MAP3K5: variants seen among roughly 807,000 people sequenced by gnomAD.
MAP3K5 encodes mitogen-activated protein kinase kinase kinase 5, also known as ASK-1.
In MAP3K5, 56 loss-of-function variants were observed where a neutral mutation model predicts 158.7. The observed-to-expected ratio is 0.35, with a 90% CI of 0.28 to 0.44. The LOEUF (loss-of-function observed/expected upper bound fraction) is 0.44. Ranked by LOEUF, MAP3K5 falls within the 20% of genes least tolerant of loss-of-function variation. The probability of loss-of-function intolerance (pLI) is 1.00; values close to 1 mark genes in which losing one functional copy is unlikely to be tolerated. For missense variants in MAP3K5, 1,294 were observed against 1,674.8 expected (o/e 0.77, Z 3.97); for synonymous variants, 579 against 601.7 (o/e 0.96, Z 0.55).
intron 1 of MAP3K5, among the ~76,000 whole-genome samples, chr6:136,730,319 G>A (rs1782165435): frequency 6.6e-6 from 1 of 150,840 alleles, no homozygotes; most frequent in South Asian, 2.1e-4. Flanking sequence ...TTTTTTGATA[G>A]GAGCTTGAGT....
intron 1 of MAP3K5, among the ~76,000 whole-genome samples, chr6:136,728,407 G>GATA (rs1463909008): frequency 2.0e-5 from 3 of 152,278 alleles, no homozygotes; most frequent in African/African-American, 7.2e-5. Flanking sequence ...TTGGCAAGTA[G>GATA]ATAACATCGG....
intron 10 of MAP3K5, among the ~76,000 whole-genome samples, chr6:136,653,802 G>T (rs951104879): frequency 1.3e-5 from 2 of 152,130 alleles, no homozygotes; most frequent in Non-Finnish European, 2.9e-5. Context: ...TTGGTAGACT[G>T]GCATTTTCTA....
chr6:136,603,512 AG>A (rs918347792), intron 19 of MAP3K5, among the ~76,000 whole-genome samples: 6 of 152,092 alleles, frequency 3.9e-5, no homozygotes, highest in Admixed American at 3.3e-4. Context: ...TTTATAGATG[AG>A]GAAACTGAGG....
At chr6:136,758,566 G>C (rs1045799384) in intron 1 of MAP3K5, among the ~76,000 whole-genome samples, 1 of 152,220 alleles carries the variant, frequency 6.6e-6, no homozygotes, top group Non-Finnish European at 1.5e-5. Flanking sequence ...CATTTTTGCA[G>C]TGTGGGCAGT....
At chr6:136,760,951 A>G (rs2114967029) in intron 1 of MAP3K5, among the ~76,000 whole-genome samples, 1 of 152,330 alleles carries the variant, frequency 6.6e-6, no homozygotes, top group African/African-American at 2.4e-5. Flanking sequence ...CCTGGGTGAC[A>G]GAGCAAGACT....
At chr6:136,580,443 T>G (rs1028276642) in intron 24 of MAP3K5, 37 bp from the exon 25 acceptor site, 2 of 1,281,178 alleles carry the variant, frequency 1.6e-6, no homozygotes, top group Admixed American at 3.4e-5. Context: ...CTTTAATTTT[T>G]AATTGCAAAT....
chr6:136,611,580 T>G (rs1417652047), intron 17 of MAP3K5, among the ~76,000 whole-genome samples, 193 bp from the exon 18 acceptor site: 1 of 152,250 alleles, frequency 6.6e-6, no homozygotes, highest in African/African-American at 2.4e-5. Context: ...TATTATCAGT[T>G]TGAAACCAAC....
At chr6:136,713,868 G>T (rs1180158465) in intron 2 of MAP3K5, among the ~76,000 whole-genome samples, 1 of 152,048 alleles carries the variant, frequency 6.6e-6, no homozygotes, top group African/African-American at 2.4e-5. Flanking sequence ...AAAGGGGTAG[G>T]GCCAATGTTT....
intron 14 of MAP3K5, among the ~76,000 whole-genome samples, chr6:136,629,487 C>G (rs1206265443): frequency 6.6e-6 from 1 of 152,102 alleles, no homozygotes; most frequent in Admixed American, 6.5e-5. Context: ...AGGAGTCACG[C>G]TCTGTCGCCC....
At chr6:136,645,945 T>C (rs746577058) in intron 11 of MAP3K5, among the ~76,000 whole-genome samples, 30 of 152,236 alleles carry the variant, frequency 2.0e-4, no homozygotes, top group Non-Finnish European at 2.9e-4. Context: ...ATTTTTAGTT[T>C]AACATAAGAC....
At chr6:136,723,506 ATTATT>A (rs890419239) in intron 1 of MAP3K5, among the ~76,000 whole-genome samples, 1 of 152,138 alleles carries the variant, frequency 6.6e-6, no homozygotes, top group Non-Finnish European at 1.5e-5. Flanking sequence ...GGGATTATGA[ATTATT>A]TTATTTTTCT....
chr6:136,584,758 A>G (rs1775040984), intron 23 of MAP3K5, among the ~76,000 whole-genome samples: 1 of 152,192 alleles, frequency 6.6e-6, no homozygotes, highest in African/African-American at 2.4e-5. Context: ...ACCAAGCCAG[A>G]GAAAAGATGT....
intron 11 of MAP3K5, among the ~76,000 whole-genome samples, chr6:136,650,438 G>A (rs901833062): frequency 6.6e-6 from 1 of 152,198 alleles, no homozygotes; most frequent in Admixed American, 6.5e-5. Context: ...TGCTATGAGC[G>A]GAAGTGAGAC....
intron 1 of MAP3K5, among the ~76,000 whole-genome samples, chr6:136,732,617 G>C (rs1211786715): frequency 6.6e-6 from 1 of 152,220 alleles, no homozygotes; most frequent in African/African-American, 2.4e-5. Flanking sequence ...ACACGCCTGA[G>C]TGACATCACT....
At chr6:136,647,544 A>C (rs1778321452) in intron 11 of MAP3K5, among the ~76,000 whole-genome samples, 1 of 152,008 alleles carries the variant, frequency 6.6e-6, no homozygotes, top group Admixed American at 6.6e-5. Flanking sequence ...CTACCGACAC[A>C]TGTTTAAAAT....
intron 14 of MAP3K5, 85 bp downstream of exon 14, chr6:136,637,240 T>A: frequency 7.7e-7 from 1 of 1,296,396 alleles, no homozygotes; most frequent in Non-Finnish European, 1.1e-6. Context: ...CTACCCCTCA[T>A]ACACCCTGCC....
At chr6:136,628,480 T>C (rs1176668745) in intron 14 of MAP3K5, among the ~76,000 whole-genome samples, 1 of 152,000 alleles carries the variant, frequency 6.6e-6, no homozygotes, top group Non-Finnish European at 1.5e-5. Flanking sequence ...TGGGCTCAAG[T>C]GATCCTCCCA....
intron 28 of MAP3K5, among the ~76,000 whole-genome samples, chr6:136,561,046 C>T (rs1034671611): frequency 1.3e-5 from 2 of 151,700 alleles, no homozygotes; most frequent in African/African-American, 4.9e-5. Flanking sequence ...TTAGTCCTGT[C>T]TTTATTTTTT....
intron 1 of MAP3K5, among the ~76,000 whole-genome samples, chr6:136,729,297 G>A (rs1257273631): frequency 6.6e-6 from 1 of 152,178 alleles, no homozygotes; most frequent in Non-Finnish European, 1.5e-5. Context: ...TCCAGTGTTT[G>A]AATCCCAGTT....
Sources: allele counts gnomAD v4.1 joint callset (sites outside exome capture counted in the v4.1 genomes callset), GRCh38; gene constraint gnomAD v4.1.1; transcripts MANE v1.5; gene names NCBI Gene and HGNC (gene_info 2026-07-23, HGNC 2026-07-21).